Variants in TSG101 observed in about 807,000 individuals in gnomAD.
TSG101 encodes tumor susceptibility gene 101 protein.
TSG101 carries 19 observed loss-of-function variants against 48.5 expected under a neutral mutation model. The ratio of observed to expected loss-of-function variants is 0.39; its 90% CI spans 0.27 to 0.58. TSG101 has a LOEUF of 0.58. Among genes scored for constraint, TSG101 ranks in the 20% least tolerant of loss-of-function variants. The probability of loss-of-function intolerance (pLI) is 0.55; values close to 1 mark genes in which losing one functional copy is unlikely to be tolerated. For missense variants in TSG101, 365 were observed against 484.4 expected (o/e 0.75, Z 2.31); for synonymous variants, 174 against 169.4 (o/e 1.03, Z -0.21).
intron 7 of TSG101, 134 bp from the exon 8 acceptor site, chr11:18,484,206 CAGTTTCATG>C: frequency 1.3e-6 from 1 of 784,056 alleles, no homozygotes; most frequent in Non-Finnish European, 2.0e-6. Flanking sequence ...ATTATGTTAC[CAGTTTCATG>C]AGAAATAATG....
chr11:18,507,381 C>T lies in TSG101; in HGVS notation c.482-458G>A, dbSNP rs182008078. ...AAAGACTTCAAGAGACTTCAAACTACTATGAGAAGTCCTATACAAAACTTA... is the reference window on the plus strand; with the variant it reads ...AAAGACTTCAAGAGACTTCAAACTATTATGAGAAGTCCTATACAAAACTTA... On this transcript the variant is annotated intron_variant, in intron 5 of 9. Coordinates refer to ENST00000251968, the MANE Select transcript of TSG101 (RefSeq NM_006292.4). Among the ~76,000 whole-genome samples the T allele has an allele frequency of 1.3e-4, 20 of 152,306 alleles. No individual in the cohort carries two copies. In the East Asian group the frequency reaches 3.9e-3, roughly 29 times the overall value.
chr11:18,523,657 C>G (rs920426061), intron 1 of TSG101, among the ~76,000 whole-genome samples: 1 of 152,052 alleles, frequency 6.6e-6, no homozygotes, highest in African/African-American at 2.4e-5. Flanking sequence ...CGTGCGCCAC[C>G]ATGTCTGGCT....
intron 7 of TSG101, among the ~76,000 whole-genome samples, chr11:18,489,555 A>G (rs1313769894): frequency 3.9e-5 from 6 of 152,216 alleles, no homozygotes; most frequent in Non-Finnish European, 7.3e-5. Flanking sequence ...TGCAGTAGAA[A>G]AGGGGATTTA....
intron 9 of TSG101, among the ~76,000 whole-genome samples, chr11:18,480,840 T>A (rs1185698031): frequency 1.3e-5 from 2 of 152,168 alleles, no homozygotes; most frequent in Admixed American, 6.5e-5. Context: ...TTGCAGGATC[T>A]GGCTCAGGAG....
At chr11:18,515,597 G>A (rs1246631508) in intron 3 of TSG101, among the ~76,000 whole-genome samples, 2 of 152,178 alleles carry the variant, frequency 1.3e-5, no homozygotes, top group East Asian at 3.8e-4. Flanking sequence ...CAGGCTCTGT[G>A]CCACGTCCTT....
intron 7 of TSG101, among the ~76,000 whole-genome samples, chr11:18,493,714 C>T (rs1300209405): frequency 1.3e-5 from 2 of 152,082 alleles, no homozygotes; most frequent in African/African-American, 4.8e-5. Context: ...ATTTTTCTTT[C>T]ATAATAAAAA....
At chr11:18,521,654 T>C (rs1483726809) in intron 1 of TSG101, among the ~76,000 whole-genome samples, 2 of 148,116 alleles carry the variant, frequency 1.4e-5, no homozygotes, top group African/African-American at 5.0e-5. Context: ...TATGAACCAC[T>C]GCACCTGGCC....
chr11:18,488,557 C>T (rs1565082939), intron 7 of TSG101, among the ~76,000 whole-genome samples: 2 of 152,220 alleles, frequency 1.3e-5, no homozygotes, highest in South Asian at 4.2e-4. Context: ...TTTAAAAATA[C>T]TTTTTTGATT....
At chr11:18,525,954 T>C (rs1330330883) in intron 1 of TSG101, among the ~76,000 whole-genome samples, 1 of 152,214 alleles carries the variant, frequency 6.6e-6, no homozygotes, top group Non-Finnish European at 1.5e-5. Context: ...GACAAAACTA[T>C]CCCAAGCTAA....
At chr11:18,518,022 T>C (rs1222753391) in intron 2 of TSG101, among the ~76,000 whole-genome samples, 1 of 152,242 alleles carries the variant, frequency 6.6e-6, no homozygotes, top group Non-Finnish European at 1.5e-5. Context: ...TTTGTCAGTT[T>C]TGATAAATGT....
chr11:18,526,721 G>A, intron 1 of TSG101, 54 bp downstream of exon 1: 2 of 1,579,866 alleles, frequency 1.3e-6, no homozygotes, highest in South Asian at 2.3e-5. Context: ...ACTCGACAGG[G>A]CGCGGAAGGG....
intron 7 of TSG101, among the ~76,000 whole-genome samples, chr11:18,488,078 C>G (rs1849646862): frequency 6.6e-6 from 1 of 152,044 alleles, no homozygotes; most frequent in South Asian, 2.1e-4. Context: ...GACAATATAA[C>G]CATCACAGAA....
chr11:18,503,944 C>G (rs1849928592), intron 6 of TSG101, among the ~76,000 whole-genome samples: 1 of 152,002 alleles, frequency 6.6e-6, no homozygotes, highest in African/African-American at 2.4e-5. Context: ...TGGATCACAC[C>G]TGTAATCCTA....
intron 8 of TSG101, 154 bp downstream of exon 8, chr11:18,483,716 T>C (rs1242230362): frequency 9.1e-6 from 7 of 768,104 alleles, no homozygotes; most frequent in African/African-American, 1.8e-5. Context: ...GGCTCCACTG[T>C]AAACAAAGGT....
At chr11:18,513,232 A>T (rs1396149403) in intron 4 of TSG101, among the ~76,000 whole-genome samples, 1 of 151,672 alleles carries the variant, frequency 6.6e-6, no homozygotes, top group Non-Finnish European at 1.5e-5. Flanking sequence ...TTTTTTTAGC[A>T]TCTTATCTTT....
At chr11:18,498,655 T>A (rs1849821748) in intron 7 of TSG101, among the ~76,000 whole-genome samples, 1 of 152,130 alleles carries the variant, frequency 6.6e-6, no homozygotes, top group Non-Finnish European at 1.5e-5. Flanking sequence ...CAGCTGGATA[T>A]AACAATCTCG....
rs1426440406 is a variant in TSG101 at position 18,480,450 on chromosome 11, A to ATGAT, written c.*92_*95dup. Reference sequence around the variant, plus strand: ...TTGATTCAAAATATTTTACACTTGAATGATAAACTGCAATAACTTATTCTG... The same window carrying ATGAT: ...TTGATTCAAAATATTTTACACTTGAATGATTGATAAACTGCAATAACTTATTCTG... On this transcript the variant is annotated 3_prime_UTR_variant, in exon 10 of 10. Transcript: ENST00000251968. The ATGAT allele has an allele frequency of 5.6e-6, 5 of 889,632 alleles. No individual in the cohort carries two copies. The East Asian group carries it at 8.1e-5, about 14-fold the overall frequency. The allele number at this position is 889,632 out of a possible 1,614,324, so 55.1% of individuals were successfully genotyped here. A position where few individuals can be genotyped will look rare whatever the true frequency, so the allele number is the denominator to read the frequency against.
intron 2 of TSG101, among the ~76,000 whole-genome samples, chr11:18,516,679 C>T (rs1057262935): frequency 6.6e-6 from 1 of 151,942 alleles, no homozygotes; most frequent in African/African-American, 2.4e-5. Context: ...CGGTGGTTCG[C>T]GCCTGTAATC....
intron 7 of TSG101, among the ~76,000 whole-genome samples, chr11:18,492,158 T>C (rs1232855200): frequency 2.0e-5 from 3 of 152,216 alleles, no homozygotes; most frequent in Admixed American, 1.3e-4. Flanking sequence ...GCAAAAGGAA[T>C]TTTAAAACCT....
Sources: gnomAD v4.1 joint callset for allele counts (sites outside exome capture counted in the v4.1 genomes callset) on GRCh38, gnomAD v4.1.1 for gene constraint, MANE v1.5 for transcripts, NCBI Gene and HGNC (gene_info 2026-07-23, HGNC 2026-07-21) for gene names.